The following CORO1C variants were observed in gnomAD, a reference collection of about 807,000 sequenced individuals.
CORO1C encodes the protein coronin 1C.
In CORO1C, 14 loss-of-function variants were observed where a neutral mutation model predicts 51.2. The ratio of observed to expected loss-of-function variants is 0.27; its 90% CI spans 0.18 to 0.43. The LOEUF is 0.43. CORO1C is among the 20% of genes least tolerant of loss of function. The pLI is 1.00. For missense variants in CORO1C, 417 were observed against 607.8 expected, an observed-to-expected ratio of 0.69 and a Z score of 3.30; for synonymous variants, 181 against 210.5, an observed-to-expected ratio of 0.86 and a Z score of 1.21.
intron 3 of CORO1C, among the ~76,000 whole-genome samples, chr12:108,663,028 T>C (rs1370652691): frequency 6.6e-6 from 1 of 152,222 alleles, no homozygotes; most frequent in African/African-American, 2.4e-5. Context: ...TAAATAGACA[T>C]TTCAAGGAAG....
intron 2 of CORO1C, among the ~76,000 whole-genome samples, chr12:108,693,273 C>A (rs1007237021): frequency 6.6e-6 from 1 of 152,212 alleles, no homozygotes; most frequent in Non-Finnish European, 1.5e-5. Context: ...ATTTCTACAA[C>A]TGTAGAACAG....
At chr12:108,651,277 G>A (rs377507442) in intron 8 of CORO1C, among the ~76,000 whole-genome samples, 66 of 152,276 alleles carry the variant, frequency 4.3e-4, no homozygotes, top group African/African-American at 1.5e-3. Flanking sequence ...TGTTTGGTAC[G>A]ACCTTATATG....
intron 2 of CORO1C, among the ~76,000 whole-genome samples, chr12:108,693,927 A>C (rs2136855691): frequency 6.6e-6 from 1 of 152,192 alleles, no homozygotes; most frequent in African/African-American, 2.4e-5. Context: ...TATCTCTCAC[A>C]CCCCAGTGCT....
chr12:108,696,651 T>G (rs960429112), intron 2 of CORO1C, among the ~76,000 whole-genome samples: 2 of 152,204 alleles, frequency 1.3e-5, no homozygotes, highest in Non-Finnish European at 2.9e-5. Flanking sequence ...GTATTCCTCA[T>G]AGCCAAAACC....
intron 3 of CORO1C, among the ~76,000 whole-genome samples, chr12:108,663,460 A>C (rs2060580530): frequency 6.6e-6 from 1 of 152,252 alleles, no homozygotes; most frequent in Non-Finnish European, 1.5e-5. Context: ...TGGCTGAACA[A>C]AATGCGACAT....
In CORO1C at chr12:108,666,524, G is replaced by C. The variant is rs75118053; in HGVS notation, c.319-4366C>G. On this transcript the variant is annotated intron_variant, in intron 3 of 10. Coordinates refer to ENST00000261401, the MANE Select transcript of CORO1C (RefSeq NM_014325.4). Reference sequence around the variant, plus strand: ...ATGCTCACAGGCCTGTCATTATGTGGCTCTCTGCCCTCTTCAGGGTTGTCT... The same window carrying C: ...ATGCTCACAGGCCTGTCATTATGTGCCTCTCTGCCCTCTTCAGGGTTGTCT... Among the ~76,000 whole-genome samples, 107 of 152,284 alleles carry C rather than the reference G, an allele frequency of 7.0e-4. 1 individual carries two copies. In the East Asian group the frequency reaches 0.019, roughly 27 times the overall value.
intron 3 of CORO1C, among the ~76,000 whole-genome samples, chr12:108,663,909 T>C (rs80021046): frequency 4.6e-5 from 7 of 152,276 alleles, no homozygotes; most frequent in East Asian, 1.9e-4. Context: ...CACATCTTAA[T>C]TGGGGACATG....
chr12:108,728,927 T>C (rs1448533237), intron 1 of CORO1C, among the ~76,000 whole-genome samples: 1 of 152,204 alleles, frequency 6.6e-6, no homozygotes, highest in African/African-American at 2.4e-5. Context: ...TCACATGGAT[T>C]TGTACCTTGA....
rs1188219068 is a variant in CORO1C at position 108,731,488 on chromosome 12, C to T, written c.-65G>A. ...TCCCCGCTGCAAAGCCGGGCGAAGC[C>T]TCCAACCGCTGCCGCCTCCAGCCTG... is the stretch of plus-strand genomic sequence containing the variant. On this transcript the variant is annotated 5_prime_UTR_variant, in exon 1 of 11. Transcript: ENST00000261401. This position sits in a 1 kb window ranked among gnomAD's most constrained non-coding sequence, Gnocchi z 5.2. 6.6e-6 allele frequency: 1 copy of T among 151,990 alleles called. No homozygotes were observed. The allele number at this position is 151,990 out of a possible 1,614,324, so 9.4% of individuals were successfully genotyped here.
At chr12:108,698,627 G>A (rs549032318) in intron 2 of CORO1C, among the ~76,000 whole-genome samples, 27 of 152,262 alleles carry the variant, frequency 1.8e-4, no homozygotes, top group African/African-American at 6.5e-4. Flanking sequence ...GGCTGGTCTC[G>A]AACTCCTGAC....
chr12:108,710,815 G>A (rs2035159108), intron 1 of CORO1C, among the ~76,000 whole-genome samples: 1 of 152,124 alleles, frequency 6.6e-6, no homozygotes, highest in Non-Finnish European at 1.5e-5. Context: ...GCCTGCCTCA[G>A]CCTTCCAAAA....
rs202229601 is a variant in CORO1C, at chr12:108,715,238, AAAAAC to A, written c.-5-13920_-5-13916del. Among the ~76,000 whole-genome samples the A allele has an allele frequency of 7.0e-3, 1,065 of 152,228 alleles. 6 individuals are homozygous for A. Among genetic ancestry groups the A allele is most frequent in the Non-Finnish European group, 0.01 (706 of 67,998 alleles). On this transcript the variant is annotated intron_variant, in intron 1 of 10. Transcript: ENST00000261401. ...GACAAAGCGAAACTGTGTCTCTTAA[AAAAAC>A]AAAACAAAACAAAACAAAACTGTAA... is the stretch of plus-strand genomic sequence containing the variant.
rs775201477 is a variant in CORO1C at position 108,658,690 on chromosome 12, C to A, written c.630+48G>T. 3.8e-6 allele frequency: 6 copies of A among 1,581,054 alleles called. No individual in the cohort carries two copies. The highest frequency in any genetic ancestry group is 4.3e-6 in the Non-Finnish European group (5 of 1,152,894). On this transcript the variant is annotated intron_variant, in intron 5 of 10. Coordinates refer to ENST00000261401, the MANE Select transcript of CORO1C (RefSeq NM_014325.4). This position sits in a 1 kb window ranked among gnomAD's most constrained non-coding sequence, Gnocchi z 4.9. ...TGCCTTAAAAAGCAGAAAGCTCACA[C>A]TCACTCAAGTGCTCCAACTACTGAG...
intron 3 of CORO1C, among the ~76,000 whole-genome samples, chr12:108,670,814 T>C (rs542464777): frequency 3.0e-4 from 46 of 152,060 alleles, no homozygotes; most frequent in Admixed American, 7.9e-4. Flanking sequence ...AACTACATTA[T>C]AGTGATTCAA....
chr12:108,659,820 A>C (rs1459053098), intron 4 of CORO1C, among the ~76,000 whole-genome samples: 2 of 152,232 alleles, frequency 1.3e-5, no homozygotes, highest in Non-Finnish European at 2.9e-5. Flanking sequence ...TTAAATGAAG[A>C]GAAAAATAGG....
At chr12:108,651,585 G>A (rs566985029) in intron 8 of CORO1C, among the ~76,000 whole-genome samples, 242 of 152,270 alleles carry the variant, frequency 1.6e-3, no homozygotes, top group African/African-American at 5.1e-3. Flanking sequence ...TCATAGGGTA[G>A]GAAAACCACC....
intron 1 of CORO1C, among the ~76,000 whole-genome samples, chr12:108,723,832 C>T (rs1015379495): frequency 2.9e-4 from 44 of 152,312 alleles, no homozygotes; most frequent in African/African-American, 9.6e-4. Flanking sequence ...CAAATACAGA[C>T]GGCCTACTAA....
intron 3 of CORO1C, among the ~76,000 whole-genome samples, chr12:108,668,922 C>T (rs1404629258): frequency 6.6e-6 from 1 of 152,234 alleles, no homozygotes; most frequent in African/African-American, 2.4e-5. Context: ...AATCTTAAAA[C>T]TCTCTTTGAG....
rs1279220440 is a variant in CORO1C at position 108,646,730 on chromosome 12, A to T, written c.*673T>A. ...ATGAAATGAGAGCGGTGGTAATATGAATCCACGTGATTTTTCAAGTCTTCC... is the reference window on the plus strand; with the variant it reads ...ATGAAATGAGAGCGGTGGTAATATGTATCCACGTGATTTTTCAAGTCTTCC... On this transcript the variant is annotated 3_prime_UTR_variant, in exon 11 of 11. Transcript: ENST00000261401. 1 of 152,460 alleles carries T rather than the reference A, an allele frequency of 6.6e-6. No homozygotes were observed. The highest frequency in any genetic ancestry group is 2.4e-5 in the African/African-American group (1 of 41,460). The allele number at this position is 152,460 out of a possible 1,614,324, so 9.4% of individuals were successfully genotyped here.
Sources: gnomAD v4.1 joint callset for allele counts (sites outside exome capture counted in the v4.1 genomes callset) on GRCh38, gnomAD v4.1.1 for gene constraint, Gnocchi (gnomAD v3.1) non-coding constraint, MANE v1.5 for transcripts, NCBI Gene and HGNC (gene_info 2026-07-23, HGNC 2026-07-21) for gene names.